The following BTBD9 variants were observed in gnomAD, a reference collection of about 807,000 sequenced individuals.
BTBD9 encodes BTB domain containing 9.
In BTBD9, 49 loss-of-function variants were observed where a neutral mutation model predicts 64.3. That is an observed-to-expected ratio of 0.76 (90% CI 0.61 to 0.97). BTBD9 has a LOEUF of 0.97. BTBD9 is among the 50% of genes least tolerant of loss of function. The probability of loss-of-function intolerance (pLI) is 0.00; values close to 1 mark genes in which losing one functional copy is unlikely to be tolerated. For missense variants in BTBD9, 598 were observed against 762.1 expected, an observed-to-expected ratio of 0.78 and a Z score of 2.53; for synonymous variants, 260 against 274.7, an observed-to-expected ratio of 0.95 and a Z score of 0.53.
At chr6:38,582,080 A>G (rs531879403) in intron 4 of BTBD9, among the ~76,000 whole-genome samples, 1 of 152,194 alleles carries the variant, frequency 6.6e-6, no homozygotes, top group East Asian at 1.9e-4. Context: ...TTAATTTCAA[A>G]TGAAGATGAG....
chr6:38,443,398 T>C (rs1196307032), intron 6 of BTBD9, among the ~76,000 whole-genome samples: 1 of 152,230 alleles, frequency 6.6e-6, no homozygotes, highest in Non-Finnish European at 1.5e-5. Flanking sequence ...CACTTGTTTC[T>C]GTCATGTGTT....
intron 7 of BTBD9, among the ~76,000 whole-genome samples, chr6:38,330,377 G>A (rs2127581184): frequency 6.6e-6 from 1 of 152,102 alleles, no homozygotes; most frequent in South Asian, 2.1e-4. Flanking sequence ...AACTACCTTT[G>A]CCAACAGGAT....
intron 6 of BTBD9, among the ~76,000 whole-genome samples, chr6:38,514,730 T>TA (rs1441670774): frequency 2.0e-5 from 3 of 152,114 alleles, no homozygotes; most frequent in Non-Finnish European, 4.4e-5. Context: ...TAGAATAAAA[T>TA]AAAAAGGTTT....
intron 6 of BTBD9, among the ~76,000 whole-genome samples, chr6:38,378,084 C>A (rs1765767258): frequency 1.3e-5 from 2 of 152,074 alleles, no homozygotes; most frequent in East Asian, 3.9e-4. Flanking sequence ...CATGGCTCCG[C>A]CCCGTCCTCC....
intron 6 of BTBD9, among the ~76,000 whole-genome samples, chr6:38,432,811 G>C (rs1768504595): frequency 6.6e-6 from 1 of 151,736 alleles, no homozygotes; most frequent in Non-Finnish European, 1.5e-5. Flanking sequence ...CCCTAGTCCT[G>C]TGCCCACCAA....
intron 2 of BTBD9, among the ~76,000 whole-genome samples, chr6:38,597,185 AC>A (rs1204505622): frequency 6.6e-6 from 1 of 152,192 alleles, no homozygotes; most frequent in East Asian, 1.9e-4. Context: ...TAAAAGCCAG[AC>A]ACTGCAGTTA....
At chr6:38,405,102 C>G (rs1195998219) in intron 6 of BTBD9, among the ~76,000 whole-genome samples, 1 of 152,120 alleles carries the variant, frequency 6.6e-6, no homozygotes. Context: ...CAAAACTTGC[C>G]TGATGGTTGT....
At chr6:38,499,519 A>C (rs1772101038) in intron 6 of BTBD9, among the ~76,000 whole-genome samples, 1 of 152,150 alleles carries the variant, frequency 6.6e-6, no homozygotes, top group South Asian at 2.1e-4. Context: ...ATAATGGTAA[A>C]ACTTCTGTTT....
chr6:38,512,787 T>C (rs748589912), intron 6 of BTBD9, among the ~76,000 whole-genome samples: 1 of 152,242 alleles, frequency 6.6e-6, no homozygotes, highest in Non-Finnish European at 1.5e-5. Context: ...AACCATTCTT[T>C]ATATAAATAC....
chr6:38,247,849 A>G (rs1355262774), intron 9 of BTBD9, among the ~76,000 whole-genome samples: 1 of 152,214 alleles, frequency 6.6e-6, no homozygotes, highest in Non-Finnish European at 1.5e-5. Context: ...CTGGCAGTGA[A>G]TAAACCATGC....
chr6:38,222,497 G>A (rs1289514698), intron 9 of BTBD9, among the ~76,000 whole-genome samples: 8 of 151,962 alleles, frequency 5.3e-5, no homozygotes, highest in Non-Finnish European at 1.0e-4. Context: ...CTGACCTCGT[G>A]ATCCGCCCGC....
chr6:38,342,580 C>G (rs1562050488), intron 7 of BTBD9, among the ~76,000 whole-genome samples: 1 of 148,616 alleles, frequency 6.7e-6, no homozygotes, highest in African/African-American at 2.5e-5. Flanking sequence ...ACTCTAATTA[C>G]TTATGATGAC....
At chr6:38,262,825 T>C (rs1174941380) in intron 8 of BTBD9, among the ~76,000 whole-genome samples, 1 of 152,366 alleles carries the variant, frequency 6.6e-6, no homozygotes, top group Middle Eastern at 3.4e-3. Context: ...ACTTTTTTCA[T>C]CCTTTTCTTA....
chr6:38,193,802 T>C (rs954831646), intron 9 of BTBD9: 47 of 985,250 alleles, frequency 4.8e-5, no homozygotes, highest in South Asian at 9.4e-5. Flanking sequence ...AATATATATG[T>C]ATTTGCAGTT....
intron 6 of BTBD9, among the ~76,000 whole-genome samples, chr6:38,356,682 C>CT (rs1764740922): frequency 6.6e-6 from 1 of 152,070 alleles, no homozygotes; most frequent in Non-Finnish European, 1.5e-5. Flanking sequence ...AGGAGGGAAA[C>CT]TAGAAATGCA....
chr6:38,405,311 TA>T (rs1005366237), intron 6 of BTBD9, among the ~76,000 whole-genome samples: 6 of 149,358 alleles, frequency 4.0e-5, no homozygotes, highest in East Asian at 1.9e-4. Flanking sequence ...GCAAAACAGT[TA>T]AAAAAAAAAT....
At chr6:38,256,350 A>T in intron 9 of BTBD9, 59 bp downstream of exon 9, 1 of 1,298,430 alleles carries the variant, frequency 7.7e-7, no homozygotes, top group South Asian at 1.2e-5. Flanking sequence ...TGAGCCTCCC[A>T]ATCCACTGGG....
At chr6:38,193,159 C>G (rs9462409) in intron 9 of BTBD9, among the ~76,000 whole-genome samples, 19 of 152,062 alleles carry the variant, frequency 1.2e-4, no homozygotes, top group African/African-American at 3.9e-4. Context: ...GGGCCTACCC[C>G]AGGGCTGTTG....
chr6:38,390,402 A>C (rs1253529826), intron 6 of BTBD9, among the ~76,000 whole-genome samples: 2 of 152,162 alleles, frequency 1.3e-5, no homozygotes. Context: ...AAATTTTTTT[A>C]CTAATGGGTA....
Sources: gnomAD v4.1 joint callset for allele counts (sites outside exome capture counted in the v4.1 genomes callset) on GRCh38, gnomAD v4.1.1 for gene constraint, MANE v1.5 for transcripts, NCBI Gene and HGNC (gene_info 2026-07-23, HGNC 2026-07-21) for gene names.